Variants in POLA1 observed in about 807,000 individuals in gnomAD.
POLA1 encodes DNA polymerase alpha catalytic subunit.
POLA1 carries 15 observed loss-of-function variants against 124.0 expected under a neutral mutation model. That is an observed-to-expected ratio of 0.12 (90% CI 0.08 to 0.19). POLA1 has a LOEUF of 0.19. Among genes scored for constraint, POLA1 ranks in the 10% least tolerant of loss-of-function variants. POLA1 has a pLI of 1.00. For missense variants in POLA1, 886 were observed against 1,103.4 expected (o/e 0.80, Z 2.79); for synonymous variants, 408 against 389.4 (o/e 1.05, Z -0.56).
At chrX:24,754,732 C>T (rs1045917090) in intron 26 of POLA1, among the ~76,000 whole-genome samples, 5 of 111,510 alleles carry the variant, frequency 4.5e-5, no homozygotes, top group Admixed American at 1.9e-4. Flanking sequence ...GCTTCTGCAA[C>T]GTGTATATAC....
At chrX:24,869,469 C>CT (rs769278346) in intron 34 of POLA1, among the ~76,000 whole-genome samples, 2 of 112,003 alleles carry the variant, frequency 1.8e-5, no homozygotes, top group East Asian at 5.7e-4. Context: ...CACAGGGCTT[C>CT]TTTATCTACC....
In POLA1 at chrX:24,742,092, C is replaced by G. The variant is rs1388415952; in HGVS notation, c.2437C>G (p.Gln813Glu). The change falls in exon 22 of 37, where the codon CAG becomes GAG. Residue 813 changes from glutamine to glutamate, a missense_variant. Gln to Glu is a conservative substitution (Grantham distance 29). Transcript: ENST00000379068. Reference sequence around the variant, plus strand: ...AAACAACTATATTGTGCCTGACAAGCAGATTTTCAGAAAGCCTCAGCAAAA... The same window carrying G: ...AAACAACTATATTGTGCCTGACAAGGAGATTTTCAGAAAGCCTCAGCAAAA... ...YENNYIVPDKQIFRKPQQKLG... is the reference protein window; with the variant it reads ...YENNYIVPDKEIFRKPQQKLG... The G allele has an allele frequency of 2.9e-5, 35 of 1,200,591 alleles. No individual in the cohort carries two copies. The highest frequency in any genetic ancestry group is 3.7e-5 in the Non-Finnish European group (33 of 889,999).
At chrX:24,822,502 TA>T (rs1241824275) in intron 31 of POLA1, among the ~76,000 whole-genome samples, 1 of 112,743 alleles carries the variant, frequency 8.9e-6, no homozygotes. Flanking sequence ...AATGTGTTTT[TA>T]AATCAGAGTC....
intron 34 of POLA1, among the ~76,000 whole-genome samples, chrX:24,877,789 A>G (rs1336137047): frequency 1.8e-5 from 2 of 111,845 alleles, no homozygotes; most frequent in Non-Finnish European, 3.8e-5. Flanking sequence ...GAAAATATAT[A>G]ATCCTACATT....
At chrX:24,741,611 G>C in intron 21 of POLA1, 107 bp downstream of exon 21, 1 of 681,308 alleles carries the variant, frequency 1.5e-6, no homozygotes, top group Non-Finnish European at 2.2e-6. Flanking sequence ...TATAAAATGA[G>C]TAACTTGGAT....
At chrX:24,848,141 T>C (rs2046500947) in intron 34 of POLA1, among the ~76,000 whole-genome samples, 1 of 112,412 alleles carries the variant, frequency 8.9e-6, no homozygotes, top group South Asian at 3.7e-4. Context: ...TCTATCTCTA[T>C]ATAACGTGGC....
At chrX:24,797,404 C>T (rs2045626841) in intron 26 of POLA1, among the ~76,000 whole-genome samples, 1 of 111,763 alleles carries the variant, frequency 8.9e-6, no homozygotes, top group Middle Eastern at 4.7e-3. Context: ...CTGTTATTCC[C>T]TATACTCACC....
chrX:24,978,733 G>A (rs2048392394), intron 36 of POLA1, among the ~76,000 whole-genome samples: 1 of 111,988 alleles, frequency 8.9e-6, no homozygotes, highest in Admixed American at 9.5e-5. Context: ...TAGTCTGGCT[G>A]TAGAGTACAT....
chrX:24,958,736 G>A (rs748241285), intron 36 of POLA1, among the ~76,000 whole-genome samples: 7 of 112,051 alleles, frequency 6.2e-5, no homozygotes, highest in Non-Finnish European at 1.1e-4. Context: ...GAAATGCACT[G>A]AGATGCCAGC....
chrX:24,909,308 C>T (rs1453634369), intron 35 of POLA1, among the ~76,000 whole-genome samples: 1 of 112,016 alleles, frequency 8.9e-6, no homozygotes, highest in Non-Finnish European at 1.9e-5. Context: ...GAAGTCCTTT[C>T]CCATGCCTAT....
At chrX:24,789,213 T>A in intron 26 of POLA1, 1 of 517,156 alleles carries the variant, frequency 1.9e-6, no homozygotes, top group Non-Finnish European at 3.2e-6. Flanking sequence ...AGGAAGAAGT[T>A]AAACTGTTTG....
At chrX:24,897,662 T>C (rs1438598073) in intron 35 of POLA1, among the ~76,000 whole-genome samples, 1 of 112,104 alleles carries the variant, frequency 8.9e-6, no homozygotes, top group Non-Finnish European at 1.9e-5. Flanking sequence ...CCTAGACCAA[T>C]GCAGAGATGT....
rs557272080 is a variant in POLA1, at chrX:24,968,069, T to C, written c.4262-27736T>C. Among the ~76,000 whole-genome samples the C allele has an allele frequency of 2.2e-4, 25 of 112,274 alleles. No homozygotes were observed. In the South Asian group the frequency reaches 9.3e-3, roughly 42 times the overall value. On this transcript the variant is annotated intron_variant, in intron 36 of 36. Transcript: ENST00000379068. ...TCTAGACTTAGCACTAGTAATCTCA[T>C]CTTGTACAAAAATCTAACTATTCAG... is the stretch of plus-strand genomic sequence containing the variant.
intron 24 of POLA1, 40 bp from the exon 25 acceptor site, chrX:24,748,271 A>G (rs374039668): frequency 3.2e-5 from 35 of 1,092,055 alleles, no homozygotes; most frequent in Non-Finnish European, 3.8e-5. Flanking sequence ...TTTATTTCGC[A>G]AAAGTTTGAT....
rs900391192 is a variant in POLA1 at position 24,965,085 on chromosome X, C to T, written c.4262-30720C>T. Reference sequence around the variant, plus strand: ...AGATCACTATAGGGAAGGAAGGGCTCGATACCTTAAAATTCCCAGTAGAGG... The same window carrying T: ...AGATCACTATAGGGAAGGAAGGGCTTGATACCTTAAAATTCCCAGTAGAGG... On this transcript the variant is annotated intron_variant, in intron 36 of 36. Transcript: ENST00000379068. Among the ~76,000 whole-genome samples, 4 of 111,843 alleles carry T rather than the reference C, an allele frequency of 3.6e-5. No homozygotes were observed. In the East Asian group the frequency reaches 1.1e-3, roughly 31 times the overall value.
intron 34 of POLA1, among the ~76,000 whole-genome samples, chrX:24,871,265 AAC>A (rs892820644): frequency 3.6e-5 from 4 of 112,059 alleles, no homozygotes; most frequent in African/African-American, 1.3e-4. Context: ...GACCTGCTCA[AAC>A]ACAGATTGCT....
At chrX:24,762,375 A>G (rs1681401217) in intron 26 of POLA1, among the ~76,000 whole-genome samples, 1 of 112,232 alleles carries the variant, frequency 8.9e-6, no homozygotes. Context: ...GTCATTCTGA[A>G]AGAAAATAAG....
At chrX:24,806,053 G>GTTTTTTTTTTTTTTTTTTTTTTTTT (rs751012614) in intron 26 of POLA1, among the ~76,000 whole-genome samples, 1 of 35,286 alleles carries the variant, frequency 2.8e-5, no homozygotes. Flanking sequence ...GTGGTATGAG[G>GTTTTTTTTTTTTTTTTTTTTTTTTT]TTTTTTTTTT....
At chrX:24,893,546 T>G (rs1462906030) in intron 35 of POLA1, among the ~76,000 whole-genome samples, 2 of 111,715 alleles carry the variant, frequency 1.8e-5, no homozygotes, top group Admixed American at 1.9e-4. Context: ...AAATTCCATA[T>G]CTATTAAGCA....
Sources: gnomAD v4.1 joint callset for allele counts (sites outside exome capture counted in the v4.1 genomes callset) on GRCh38, gnomAD v4.1.1 for gene constraint, MANE v1.5 for transcripts, NCBI Gene and HGNC (gene_info 2026-07-23, HGNC 2026-07-21) for gene names.